The following CACNA1E variants were observed in gnomAD, a reference collection of about 807,000 sequenced individuals.
The protein encoded by CACNA1E is voltage-dependent R-type calcium channel subunit alpha-1E.
Under a neutral mutation model 259.2 loss-of-function variants are expected in CACNA1E, and 40 were observed. The ratio of observed to expected loss-of-function variants is 0.15; its 90% confidence interval spans 0.12 to 0.20. The LOEUF (loss-of-function observed/expected upper bound fraction) is 0.20, where lower values mean the gene tolerates loss of function less well. Ranked by LOEUF, CACNA1E falls within the 10% of genes least tolerant of loss-of-function variation. The pLI, the probability that CACNA1E is intolerant of heterozygous loss-of-function variation, is 1.00. For synonymous variants in CACNA1E, 1,104 were observed against 1,138.5 expected (o/e 0.97, Z 0.61); for missense variants, 1,874 against 3,040.1 (o/e 0.62, Z 9.02).
chr1:181,563,740 C>G (rs760641633), intron 3 of CACNA1E, among the ~76,000 whole-genome samples: 2 of 152,166 alleles, frequency 1.3e-5, no homozygotes, highest in Non-Finnish European at 2.9e-5. Flanking sequence ...ATACTGGCTC[C>G]ATGCCAGTTA....
At chr1:181,768,084 T>C (rs141341746) in intron 35 of CACNA1E, among the ~76,000 whole-genome samples, 25 of 152,228 alleles carry the variant, frequency 1.6e-4, no homozygotes, top group African/African-American at 5.8e-4. Context: ...GTTGGAAACA[T>C]TATAATTCTT....
chr1:181,373,767 C>A (rs181497030), intron 1 of CACNA1E, among the ~76,000 whole-genome samples: 137 of 152,174 alleles, frequency 9.0e-4, no homozygotes, highest in African/African-American at 2.5e-3. Context: ...CCTTGTGATC[C>A]GCCCGCCTTG....
chr1:181,683,512 T>TCC, intron 7 of CACNA1E, among the ~76,000 whole-genome samples: 1 of 152,200 alleles, frequency 6.6e-6, no homozygotes, highest in South Asian at 2.1e-4. Flanking sequence ...TCACTGAGGT[T>TCC]TGGTGTACAA....
intron 6 of CACNA1E, among the ~76,000 whole-genome samples, chr1:181,603,248 AC>A (rs978310148): frequency 1.3e-5 from 2 of 152,206 alleles, no homozygotes; most frequent in Non-Finnish European, 2.9e-5. Context: ...GTGGATATAA[AC>A]CCAGTTAATT....
intron 2 of CACNA1E, among the ~76,000 whole-genome samples, chr1:181,414,524 G>A (rs953141864): frequency 6.6e-6 from 1 of 152,092 alleles, no homozygotes; most frequent in Non-Finnish European, 1.5e-5. Context: ...AATGTATGCC[G>A]GGCTCCTGGG....
intron 7 of CACNA1E, among the ~76,000 whole-genome samples, chr1:181,708,476 G>C (rs1186490118): frequency 2.0e-5 from 3 of 152,148 alleles, no homozygotes; most frequent in Non-Finnish European, 2.9e-5. Context: ...GATGCTCAAG[G>C]ATGATCATGT....
At chr1:181,567,613 C>T (rs984061661) in intron 3 of CACNA1E, among the ~76,000 whole-genome samples, 6 of 152,170 alleles carry the variant, frequency 3.9e-5, no homozygotes, top group Admixed American at 2.6e-4. Flanking sequence ...CTTCAGGTAG[C>T]ATAAGAGGGA....
At chr1:181,751,041 A>G (rs1657554490) in intron 26 of CACNA1E, among the ~76,000 whole-genome samples, 1 of 152,172 alleles carries the variant, frequency 6.6e-6, no homozygotes, top group Non-Finnish European at 1.5e-5. Context: ...GAAGCCTTGC[A>G]GTTCCCACCT....
At chr1:181,466,340 T>A (rs1160884789) in intron 2 of CACNA1E, among the ~76,000 whole-genome samples, 1 of 151,862 alleles carries the variant, frequency 6.6e-6, no homozygotes, top group Non-Finnish European at 1.5e-5. Flanking sequence ...GCCAGGAGTT[T>A]GAGAACAGCC....
chr1:181,525,443 AT>A (rs890773578), intron 3 of CACNA1E, among the ~76,000 whole-genome samples: 119 of 152,142 alleles, frequency 7.8e-4, no homozygotes, highest in African/African-American at 2.7e-3. Flanking sequence ...TGTATTTCAT[AT>A]TTTTTTTATT....
intron 2 of CACNA1E, among the ~76,000 whole-genome samples, chr1:181,425,877 CCG>C (rs1286257734): frequency 6.6e-6 from 1 of 152,094 alleles, no homozygotes; most frequent in Non-Finnish European, 1.5e-5. Context: ...GTCCCTGCCC[CCG>C]CCTCTCCTGG....
intron 2 of CACNA1E, among the ~76,000 whole-genome samples, chr1:181,455,212 T>G (rs1259013493): frequency 6.6e-6 from 1 of 152,200 alleles, no homozygotes; most frequent in East Asian, 1.9e-4. Context: ...TGGTTTCTTT[T>G]GAAATTTGGC....
chr1:181,626,507 A>G (rs959889012), intron 6 of CACNA1E, among the ~76,000 whole-genome samples: 5 of 152,188 alleles, frequency 3.3e-5, no homozygotes, highest in African/African-American at 1.2e-4. Context: ...CACCATTTAC[A>G]AGGTGAGGCC....
chr1:181,682,575 C>A (rs75682525), intron 7 of CACNA1E, among the ~76,000 whole-genome samples: 10 of 152,204 alleles, frequency 6.6e-5, no homozygotes, highest in African/African-American at 2.4e-4. Context: ...AAAAAATACC[C>A]GAGACTGGGT....
At chr1:181,476,634 C>G (rs1385010659) in intron 2 of CACNA1E, among the ~76,000 whole-genome samples, 1 of 152,234 alleles carries the variant, frequency 6.6e-6, no homozygotes, top group East Asian at 1.9e-4. Context: ...TGATACCTGA[C>G]ACGTGGAAGG....
intron 9 of CACNA1E, 83 bp downstream of exon 9, chr1:181,715,474 A>G (rs1653803467): frequency 1.4e-6 from 1 of 731,950 alleles, no homozygotes; most frequent in African/African-American, 1.8e-5. Flanking sequence ...AAAGGAGAGA[A>G]AGAAATGAAA....
At chr1:181,448,267 G>A (rs1390215343) in intron 2 of CACNA1E, among the ~76,000 whole-genome samples, 1 of 152,196 alleles carries the variant, frequency 6.6e-6, no homozygotes, top group Non-Finnish European at 1.5e-5. Flanking sequence ...CCTACTGTAT[G>A]CCAAACCTCA....
chr1:181,764,256 C>T (rs1214571937), intron 34 of CACNA1E, among the ~76,000 whole-genome samples: 1 of 152,102 alleles, frequency 6.6e-6, no homozygotes, highest in East Asian at 1.9e-4. Flanking sequence ...TAGCAAATAT[C>T]ATAAATTAGT....
At chr1:181,363,893 T>C (rs1571670066) in intron 1 of CACNA1E, among the ~76,000 whole-genome samples, 1 of 151,920 alleles carries the variant, frequency 6.6e-6, no homozygotes, top group Non-Finnish European at 1.5e-5. Flanking sequence ...GGGGCCAGAG[T>C]ATGGGATGTC....
Sources: gnomAD v4.1 joint callset for allele counts (sites outside exome capture counted in the v4.1 genomes callset) on GRCh38, gnomAD v4.1.1 for gene constraint, MANE v1.5 for transcripts, NCBI Gene and HGNC (gene_info 2026-07-23, HGNC 2026-07-21) for gene names.